Variants in AGBL1 observed in about 807,000 individuals in gnomAD.
The protein encoded by AGBL1 is cytosolic carboxypeptidase 4.
AGBL1 carries 130 observed loss-of-function variants against 118.9 expected under a neutral mutation model. The ratio of observed to expected loss-of-function variants is 1.09; its 90% CI spans 0.95 to 1.26. AGBL1 has a LOEUF of 1.26. Among genes scored for constraint, AGBL1 ranks in the 50% most tolerant of loss-of-function variants. The pLI, the probability that AGBL1 is intolerant of heterozygous loss-of-function variation, is 0.00. For missense variants in AGBL1, 1,584 were observed against 1,298.1 expected (o/e 1.22, Z -3.38); for synonymous variants, 555 against 478.9 (o/e 1.16, Z -2.08).
rs78509987 is a variant in AGBL1, at chr15:86,814,405, T to C, written c.3159-92682T>C. Among the ~76,000 whole-genome samples the C allele has an allele frequency of 0.01, 1,597 of 152,258 alleles. 67 individuals carry two copies. The South Asian group carries it at 0.11, about 10-fold the overall frequency. On this transcript the variant is annotated intron_variant, in intron 22 of 22. Coordinates refer to ENST00000614907, the MANE Select transcript of AGBL1 (RefSeq NM_001386094.1). ...AAAAGGTTGGGGACTGCTCTTTAGA[T>C]GGATGGGTAGGAATTCGGTGGCCAG...
chr15:86,982,267 A>G (rs953990806), intron 23 of AGBL1, among the ~76,000 whole-genome samples: 1 of 152,176 alleles, frequency 6.6e-6, no homozygotes, highest in Non-Finnish European at 1.5e-5. Context: ...AATTTCATTA[A>G]GCAGAGAACA....
At chr15:86,840,629 C>T (rs986616080) in intron 22 of AGBL1, among the ~76,000 whole-genome samples, 2 of 151,888 alleles carry the variant, frequency 1.3e-5, no homozygotes, top group Non-Finnish European at 2.9e-5. Flanking sequence ...ATTTTTAGTA[C>T]AGACGGGGTT....
At chr15:86,420,127 C>G (rs2081766236) in intron 18 of AGBL1, among the ~76,000 whole-genome samples, 1 of 152,186 alleles carries the variant, frequency 6.6e-6, no homozygotes, top group Admixed American at 6.5e-5. Flanking sequence ...AAGGAACAGA[C>G]TACCTCTTCA....
At chr15:86,569,247 T>C (rs575178128) in intron 21 of AGBL1, among the ~76,000 whole-genome samples, 18 of 149,344 alleles carry the variant, frequency 1.2e-4, no homozygotes, top group African/African-American at 4.4e-4. Context: ...GCCTGGGCAA[T>C]ATAGGCAGAC....
intron 22 of AGBL1, among the ~76,000 whole-genome samples, chr15:86,866,168 T>C (rs913913868): frequency 2.6e-5 from 4 of 152,214 alleles, no homozygotes; most frequent in African/African-American, 9.6e-5. Flanking sequence ...ATTTTTCTTC[T>C]CATAACTGGA....
At chr15:86,895,326 T>C (rs1251230055) in intron 22 of AGBL1, among the ~76,000 whole-genome samples, 2 of 152,036 alleles carry the variant, frequency 1.3e-5, no homozygotes, top group East Asian at 3.9e-4. Context: ...GTCATCTTAT[T>C]CTCATTGTCT....
chr15:86,329,567 A>C (rs2080238982), intron 17 of AGBL1, among the ~76,000 whole-genome samples: 1 of 152,028 alleles, frequency 6.6e-6, no homozygotes, highest in Non-Finnish European at 1.5e-5. Flanking sequence ...GCAGATCTCC[A>C]GGTATTTGGA....
chr15:86,432,229 C>A (rs1392322375), intron 18 of AGBL1, among the ~76,000 whole-genome samples: 3 of 152,178 alleles, frequency 2.0e-5, no homozygotes, highest in African/African-American at 7.2e-5. Context: ...TAAGTAAAGT[C>A]CATACTTTAT....
rs115438179 is a variant in AGBL1, at chr15:86,856,394, A to G, written c.3159-50693A>G. On this transcript the variant is annotated intron_variant, in intron 22 of 22. Transcript: ENST00000614907. ...GTTACTGGGAGATAAAATGGAAAAA[A>G]ACCTTATCTACATTTTATGGATTGG... Among the ~76,000 whole-genome samples, 332 of 152,314 alleles carry G rather than the reference A, an allele frequency of 2.2e-3. 1 individual carries two copies. The highest frequency in any genetic ancestry group is 7.8e-3 in the African/African-American group (323 of 41,576).
chr15:86,568,467 T>C (rs1426349731), intron 21 of AGBL1, among the ~76,000 whole-genome samples: 2 of 152,240 alleles, frequency 1.3e-5, no homozygotes, highest in Non-Finnish European at 2.9e-5. Context: ...TTGGCTTGAC[T>C]TTGTGAAAAT....
rs567153502 is a variant in AGBL1 at position 86,756,621 on chromosome 15, GGT to G, written c.3158+82187_3158+82188del. On this transcript the variant is annotated intron_variant, in intron 22 of 22. Coordinates refer to ENST00000614907, the MANE Select transcript of AGBL1 (RefSeq NM_001386094.1). ...CTAAATGAAGATGAGGAGTTCTGAG[GGT>G]GAGAGAAGGAGGGTCTGGGGTGGAG... 1.3e-4 allele frequency among the ~76,000 whole-genome samples: 20 copies of G among 152,174 alleles called. No individual in the cohort carries two copies. In the East Asian group the frequency reaches 3.9e-3, roughly 30 times the overall value.
At chr15:86,146,892 A>G (rs924917330) in intron 3 of AGBL1, among the ~76,000 whole-genome samples, 5 of 152,186 alleles carry the variant, frequency 3.3e-5, no homozygotes, top group Non-Finnish European at 7.4e-5. Context: ...AACGAGGTTT[A>G]GGATTTTATT....
At chr15:86,334,895 G>A (rs554805330) in intron 17 of AGBL1, among the ~76,000 whole-genome samples, 1 of 152,026 alleles carries the variant, frequency 6.6e-6, no homozygotes, top group African/African-American at 2.4e-5. Context: ...AAATTATGAA[G>A]ACAGAATAAG....
At chr15:86,568,598 G>T (rs1164962945) in intron 21 of AGBL1, among the ~76,000 whole-genome samples, 1 of 152,214 alleles carries the variant, frequency 6.6e-6, no homozygotes, top group East Asian at 1.9e-4. Flanking sequence ...GACTGCATGG[G>T]ATGCTAATCT....
At chr15:87,010,577 A>G (rs1056288037) in intron 24 of AGBL1, among the ~76,000 whole-genome samples, 1 of 152,170 alleles carries the variant, frequency 6.6e-6, no homozygotes, top group East Asian at 1.9e-4. Context: ...CCACACAACT[A>G]CAGGTTCTCT....
exon 24 of AGBL1, chr15:86,988,071 T>G: frequency 6.2e-7 from 1 of 1,613,632 alleles, no homozygotes. Flanking sequence ...AGATGAACCT[T>G]CTTCTGCATG....
At chr15:86,949,718 G>T (rs1458610398) in intron 23 of AGBL1, among the ~76,000 whole-genome samples, 4 of 151,922 alleles carry the variant, frequency 2.6e-5, no homozygotes, top group Non-Finnish European at 2.9e-5. Context: ...GAGTAAAAAA[G>T]GTTTTGAAAT....
chr15:86,946,760 G>C (rs12441961), intron 23 of AGBL1, among the ~76,000 whole-genome samples: 106,527 of 149,232 alleles, frequency 0.71, 38,904 homozygotes, highest in South Asian at 0.89. Context: ...GGCAGAATTG[G>C]TTGAACCCGG....
chr15:86,453,084 T>C (rs1486025053), intron 18 of AGBL1, among the ~76,000 whole-genome samples: 1 of 152,210 alleles, frequency 6.6e-6, no homozygotes, highest in Non-Finnish European at 1.5e-5. Context: ...TGTTTCGCCC[T>C]TTTCTCTATG....
Sources: allele counts gnomAD v4.1 joint callset (sites outside exome capture counted in the v4.1 genomes callset), GRCh38; gene constraint gnomAD v4.1.1; transcripts MANE v1.5; gene names NCBI Gene and HGNC (gene_info 2026-07-23, HGNC 2026-07-21).